Variants in SP140L observed in about 807,000 individuals in gnomAD.
The protein encoded by SP140L is nuclear body protein SP140-like protein.
SP140L carries 64 observed loss-of-function variants against 84.3 expected under a neutral mutation model. The ratio of observed to expected loss-of-function variants is 0.76; its 90% CI spans 0.62 to 0.94. The LOEUF (loss-of-function observed/expected upper bound fraction) is 0.94. SP140L is among the 40% of genes least tolerant of loss of function. The pLI, the probability that SP140L is intolerant of heterozygous loss-of-function variation, is 0.00. For missense variants in SP140L, 628 were observed against 692.5 expected (o/e 0.91, Z 1.05); for synonymous variants, 242 against 236.9 (o/e 1.02, Z -0.20).
At position 230,357,802 on chromosome 2, in the gene SP140L, TAGGC is replaced by T. The variant is rs1160914732; in HGVS notation, c.108-2_109del. On this transcript the variant is annotated splice_acceptor_variant and coding_sequence_variant, in exon 3 of 19. Coordinates refer to ENST00000415673, the MANE Select transcript of SP140L (RefSeq NM_138402.6). LOFTEE classifies it high-confidence loss of function. ...ATTTTCATTTGGTGTCCTTTTTCCT[TAGGC>T]TGTTCACGGAAGACCAGGATGTAGA... 2 of 1,605,360 alleles carry T rather than the reference TAGGC, an allele frequency of 1.2e-6. No individual in the cohort carries two copies. The highest frequency in any genetic ancestry group is 1.8e-5 in the Admixed American group (1 of 56,870).
intron 13 of SP140L, among the ~76,000 whole-genome samples, chr2:230,395,365 C>T (rs1279544575): frequency 6.6e-6 from 1 of 151,934 alleles, no homozygotes; most frequent in Non-Finnish European, 1.5e-5. Flanking sequence ...ATGACTTGAG[C>T]TCAGGAATTT....
At chr2:230,398,535 A>G (rs1020170270) in intron 14 of SP140L, among the ~76,000 whole-genome samples, 1 of 152,220 alleles carries the variant, frequency 6.6e-6, no homozygotes, top group Admixed American at 6.5e-5. Context: ...GAATTCACAG[A>G]CCCTTTGAAA....
At chr2:230,332,447 G>C (rs1253084869) in intron 2 of SP140L, among the ~76,000 whole-genome samples, 1 of 152,118 alleles carries the variant, frequency 6.6e-6, no homozygotes, top group Non-Finnish European at 1.5e-5. Flanking sequence ...TCAAGTTCCA[G>C]ACATTAATCT....
intron 7 of SP140L, among the ~76,000 whole-genome samples, chr2:230,381,104 G>A (rs542259307): frequency 1.3e-5 from 2 of 150,576 alleles, no homozygotes; most frequent in South Asian, 4.2e-4. Context: ...TGCTGCAGTG[G>A]AGGAATGCTT....
At chr2:230,365,939 C>G (rs995013564) in intron 5 of SP140L, among the ~76,000 whole-genome samples, 3 of 152,076 alleles carry the variant, frequency 2.0e-5, no homozygotes, top group Non-Finnish European at 4.4e-5. Context: ...AATTAAAAAA[C>G]TCTTCTTGTT....
intron 2 of SP140L, among the ~76,000 whole-genome samples, chr2:230,349,915 A>G (rs2060316174): frequency 6.6e-6 from 1 of 152,182 alleles, no homozygotes; most frequent in African/African-American, 2.4e-5. Context: ...TGGCTGAGGC[A>G]GGAGAATTGC....
At chr2:230,331,783 C>A (rs2059731385) in intron 2 of SP140L, among the ~76,000 whole-genome samples, 1 of 152,124 alleles carries the variant, frequency 6.6e-6, no homozygotes. Context: ...TAGGGGAAAT[C>A]TATTTGTTTT....
At chr2:230,351,676 T>A (rs752708240) in intron 2 of SP140L, among the ~76,000 whole-genome samples, 68 of 152,008 alleles carry the variant, frequency 4.5e-4, no homozygotes, top group Admixed American at 4.3e-3. Context: ...CGAGACGGAG[T>A]CTCACTGTCA....
chr2:230,332,520 A>T (rs1216466268), intron 2 of SP140L, among the ~76,000 whole-genome samples: 3 of 152,176 alleles, frequency 2.0e-5, no homozygotes, highest in Non-Finnish European at 2.9e-5. Context: ...TTCCCCATCC[A>T]TTCTCGTAAT....
intron 2 of SP140L, among the ~76,000 whole-genome samples, chr2:230,330,435 G>A (rs946372497): frequency 1.3e-5 from 2 of 152,124 alleles, no homozygotes; most frequent in Non-Finnish European, 2.9e-5. Flanking sequence ...GACATCTGAC[G>A]AGGCAAAATC....
intron 7 of SP140L, among the ~76,000 whole-genome samples, chr2:230,376,175 T>C (rs2061235320): frequency 6.6e-6 from 1 of 152,174 alleles, no homozygotes; most frequent in Non-Finnish European, 1.5e-5. Context: ...CCTTTCTCCA[T>C]TATTTATTCT....
chr2:230,346,362 A>G (rs569881202), intron 2 of SP140L, among the ~76,000 whole-genome samples: 2 of 152,190 alleles, frequency 1.3e-5, no homozygotes, highest in African/African-American at 4.8e-5. Flanking sequence ...TTGGTGTAGA[A>G]TTGTATTGTT....
At chr2:230,332,384 G>C (rs2059749791) in intron 2 of SP140L, among the ~76,000 whole-genome samples, 1 of 152,132 alleles carries the variant, frequency 6.6e-6, no homozygotes, top group African/African-American at 2.4e-5. Context: ...TCTTCCTTCT[G>C]TACTTACTTC....
In SP140L at chr2:230,400,995, C is replaced by G. The variant is rs769263737; in HGVS notation, c.1354C>G (p.Pro452Ala). ...CATCTTCTGCAGGATGAAGGAGTCT[C>G]CGGGAAGCCAACAGTGTTGTCAGGA... ...NCIFCRMKES[P>A]GSQQCCQESE... Residue 452 changes from proline (P) to alanine (A), a missense_variant, in exon 16 of 19, where the codon CCG becomes GCG. Transcript: ENST00000415673. 37 of 1,529,472 alleles carry G rather than the reference C, an allele frequency of 2.4e-5. No homozygotes were observed. The East Asian group carries it at 8.6e-4, about 36-fold the overall frequency. The allele number at this position is 1,529,472 out of a possible 1,614,324, so 94.7% of individuals were successfully genotyped here.
intron 2 of SP140L, among the ~76,000 whole-genome samples, chr2:230,340,013 G>A (rs2059992654): frequency 6.8e-6 from 1 of 146,802 alleles, no homozygotes; most frequent in Non-Finnish European, 1.5e-5. Flanking sequence ...AGGTCCGCTT[G>A]GTGCAGAGCT....
chr2:230,366,613 TTAACA>T (rs1223193931), intron 5 of SP140L, among the ~76,000 whole-genome samples: 2 of 151,532 alleles, frequency 1.3e-5, no homozygotes, highest in African/African-American at 4.8e-5. Flanking sequence ...TAATCCATAC[TTAACA>T]TAACTATTTA....
In SP140L at chr2:230,390,034, T is replaced by C; in HGVS notation, c.964+11T>C. On this transcript the variant is annotated intron_variant, in intron 11 of 18. Coordinates refer to ENST00000415673, the MANE Select transcript of SP140L (RefSeq NM_138402.6). Reference sequence around the variant, plus strand: ...AGAAATTGGAACAAGGTGGGTTTCATAGTCTTCTTTAATTTGCAGCTCCTA... The same window carrying C: ...AGAAATTGGAACAAGGTGGGTTTCACAGTCTTCTTTAATTTGCAGCTCCTA... 2 of 1,605,112 alleles carry C rather than the reference T, an allele frequency of 1.2e-6. No individual in the cohort carries two copies. Among genetic ancestry groups the C allele is most frequent in the Non-Finnish European group, 8.5e-7 (1 of 1,174,086 alleles).
intron 2 of SP140L, among the ~76,000 whole-genome samples, chr2:230,342,807 T>G (rs915272343): frequency 2.1e-4 from 32 of 149,670 alleles, no homozygotes; most frequent in African/African-American, 7.6e-4. Flanking sequence ...GCTAAAGATT[T>G]ATCCTTTTTT....
chr2:230,361,899 C>G (rs2060730441), intron 5 of SP140L, among the ~76,000 whole-genome samples: 1 of 152,106 alleles, frequency 6.6e-6, no homozygotes, highest in Admixed American at 6.5e-5. Flanking sequence ...ACATTGTTGG[C>G]TCAATAACCA....
Sources: gnomAD v4.1 joint callset for allele counts (sites outside exome capture counted in the v4.1 genomes callset) on GRCh38, gnomAD v4.1.1 for gene constraint, MANE v1.5 for transcripts, NCBI Gene and HGNC (gene_info 2026-07-23, HGNC 2026-07-21) for gene names.